Variants in CHM observed in about 807,000 individuals in gnomAD.
The protein encoded by CHM is rab proteins geranylgeranyltransferase component A 1.
CHM carries 10 observed loss-of-function variants against 49.0 expected under a neutral mutation model. That is an observed-to-expected ratio of 0.20 (90% CI 0.13 to 0.35). The LOEUF is 0.35. Among genes scored for constraint, CHM ranks in the 10% least tolerant of loss-of-function variants. The probability of loss-of-function intolerance (pLI) is 1.00; values close to 1 mark genes in which losing one functional copy is unlikely to be tolerated. For missense variants in CHM, 455 were observed against 478.4 expected, an observed-to-expected ratio of 0.95 and a Z score of 0.46; for synonymous variants, 184 against 167.5, an observed-to-expected ratio of 1.10 and a Z score of -0.76.
At chrX:85,867,028 G>C (rs1162627235) in intron 14 of CHM, among the ~76,000 whole-genome samples, 1 of 112,279 alleles carries the variant, frequency 8.9e-6, no homozygotes, top group East Asian at 2.8e-4. Flanking sequence ...ACTTTGGAGG[G>C]CTGTTGGGAA....
At chrX:85,956,841 T>G (rs1022378153) in intron 7 of CHM, among the ~76,000 whole-genome samples, 2 of 111,364 alleles carry the variant, frequency 1.8e-5, no homozygotes, top group African/African-American at 6.5e-5. Flanking sequence ...AATAATGAAA[T>G]GAATTTCCAT....
chrX:85,946,901 G>A (rs929723957), intron 8 of CHM, among the ~76,000 whole-genome samples: 1 of 112,647 alleles, frequency 8.9e-6, no homozygotes, highest in Non-Finnish European at 1.9e-5. Context: ...CACAGGGGCA[G>A]AGCTGCCCAA....
intron 12 of CHM, among the ~76,000 whole-genome samples, chrX:85,886,102 T>C (rs1159825946): frequency 9.0e-6 from 1 of 111,142 alleles, no homozygotes; most frequent in Non-Finnish European, 1.9e-5. Flanking sequence ...CATATATAAA[T>C]AACAACATTC....
intron 2 of CHM, among the ~76,000 whole-genome samples, chrX:86,011,360 A>G (rs912904444): frequency 9.0e-6 from 1 of 111,610 alleles, no homozygotes; most frequent in Admixed American, 9.5e-5. Flanking sequence ...TTCACGTACA[A>G]TGGGGACCAG....
At chrX:85,949,979 ATAT>A (rs1347569170) in intron 8 of CHM, among the ~76,000 whole-genome samples, 3 of 31,494 alleles carry the variant, frequency 9.5e-5, no homozygotes, top group East Asian at 1.3e-3. Flanking sequence ...CTGAAATTAA[ATAT>A]ATATATATAT....
intron 2 of CHM, among the ~76,000 whole-genome samples, chrX:85,991,863 C>T (rs939028523): frequency 9.0e-6 from 1 of 111,074 alleles, no homozygotes; most frequent in African/African-American, 3.3e-5. Flanking sequence ...TTACTAAATA[C>T]GTTGAGTTTG....
At chrX:85,943,171 C>T (rs1285040947) in intron 8 of CHM, among the ~76,000 whole-genome samples, 1 of 109,864 alleles carries the variant, frequency 9.1e-6, no homozygotes, top group East Asian at 2.9e-4. Context: ...TTTTTGCAAT[C>T]TACTCATCTG....
chrX:85,975,953 G>A (rs902604479), intron 4 of CHM, among the ~76,000 whole-genome samples: 1 of 112,165 alleles, frequency 8.9e-6, no homozygotes, highest in African/African-American at 3.2e-5. Context: ...CTTTAAGAAT[G>A]TTAAAGATCT....
At position 85,864,608 on chromosome X, in the gene CHM, T is replaced by C; in HGVS notation, c.*22A>G. The C allele has an allele frequency of 8.5e-7, 1 of 1,182,444 alleles. No homozygotes were observed. The highest frequency in any genetic ancestry group is 1.8e-5 in the South Asian group (1 of 55,528). The stretch of plus-strand genomic sequence containing the variant: ...ACCAGTCAGAATTTCCAAAGTTGGG[T>C]ATCCAGTTTGGTGTATATCCATTAT... On this transcript the variant is annotated 3_prime_UTR_variant, in exon 15 of 15. Transcript: ENST00000357749.
intron 8 of CHM, among the ~76,000 whole-genome samples, chrX:85,933,315 T>C (rs753524919): frequency 6.2e-5 from 7 of 112,532 alleles, no homozygotes; most frequent in Non-Finnish European, 1.3e-4. Context: ...CAATGGCTCA[T>C]ATAGTGCTGA....
chrX:85,869,571 T>C (rs986024756), intron 14 of CHM, among the ~76,000 whole-genome samples: 1 of 111,301 alleles, frequency 9.0e-6, no homozygotes, highest in Non-Finnish European at 1.9e-5. Context: ...CTCCCACCTA[T>C]AGCCCATCTG....
At chrX:85,960,609 G>A (rs1235663023) in intron 5 of CHM, among the ~76,000 whole-genome samples, 3 of 109,681 alleles carry the variant, frequency 2.7e-5, no homozygotes, top group Admixed American at 9.8e-5. Context: ...ATTTTTAGTA[G>A]CACACAGGGT....
intron 8 of CHM, among the ~76,000 whole-genome samples, chrX:85,939,033 C>T (rs762806284): frequency 5.6e-4 from 63 of 112,230 alleles, no homozygotes; most frequent in African/African-American, 2.0e-3. Flanking sequence ...TACACAAATA[C>T]TTATCATTAT....
chrX:86,039,561 G>T (rs2147808141), intron 1 of CHM, among the ~76,000 whole-genome samples: 1 of 102,878 alleles, frequency 9.7e-6, no homozygotes, highest in South Asian at 4.6e-4. Context: ...AGAAAGAGTA[G>T]AAGTTAGTGA....
At chrX:85,870,793 G>A (rs1367092405) in intron 14 of CHM, among the ~76,000 whole-genome samples, 2 of 111,749 alleles carry the variant, frequency 1.8e-5, no homozygotes, top group African/African-American at 6.5e-5. Flanking sequence ...GGTTGGTATT[G>A]CGGTGGCAAT....
intron 14 of CHM, among the ~76,000 whole-genome samples, chrX:85,870,177 A>G (rs1923959689): frequency 8.9e-6 from 1 of 111,748 alleles, no homozygotes; most frequent in African/African-American, 3.3e-5. Flanking sequence ...TGGGTATATC[A>G]CAAATACTTA....
At chrX:85,966,684 T>A (rs987511107) in intron 4 of CHM, among the ~76,000 whole-genome samples, 1 of 112,303 alleles carries the variant, frequency 8.9e-6, no homozygotes, top group African/African-American at 3.2e-5. Context: ...CAGTAAAAGT[T>A]CCATGCCTAA....
intron 2 of CHM, among the ~76,000 whole-genome samples, chrX:86,021,865 T>C (rs767135151): frequency 8.9e-6 from 1 of 111,733 alleles, no homozygotes; most frequent in South Asian, 3.7e-4. Context: ...TCCTGCAGTA[T>C]GCAACAAAAT....
intron 1 of CHM, among the ~76,000 whole-genome samples, chrX:86,028,036 T>C (rs1439989738): frequency 1.1e-4 from 12 of 112,300 alleles, no homozygotes; most frequent in African/African-American, 3.9e-4. Context: ...GCTGAGATTA[T>C]AGGCGTGAGC....
Sources: gnomAD v4.1 joint callset for allele counts (sites outside exome capture counted in the v4.1 genomes callset) on GRCh38, gnomAD v4.1.1 for gene constraint, MANE v1.5 for transcripts, NCBI Gene and HGNC (gene_info 2026-07-23, HGNC 2026-07-21) for gene names.